ZNF496: variants seen among roughly 807,000 people sequenced by gnomAD.
The protein encoded by ZNF496 is zinc finger protein 496, also known as NSD1 (nuclear receptor binding SET-domain containing 1)-interacting zinc finger protein 1.
In ZNF496, 11 loss-of-function variants were observed where a neutral mutation model predicts 58.9. That is an observed-to-expected ratio of 0.19 (90% CI 0.12 to 0.31). ZNF496 has a LOEUF of 0.31. Ranked by LOEUF, ZNF496 falls within the 10% of genes least tolerant of loss-of-function variation. The pLI is 1.00. For synonymous variants in ZNF496, 338 were observed against 318.2 expected (o/e 1.06, Z -0.66); for missense variants, 660 against 783.0 (o/e 0.84, Z 1.88).
chr1:247,323,263 G>A, intron 5 of ZNF496, 33 bp from the exon 6 acceptor site: 2 of 1,550,504 alleles, frequency 1.3e-6, no homozygotes, highest in Non-Finnish European at 1.8e-6. Flanking sequence ...GTCCTAAAGT[G>A]GGCCAGGGCC....
chr1:247,326,018 A>G (rs999426757), intron 5 of ZNF496, among the ~76,000 whole-genome samples: 19 of 145,768 alleles, frequency 1.3e-4, no homozygotes, highest in Admixed American at 3.6e-4. Flanking sequence ...AGACATATGT[A>G]TATATATATA....
Position 247,328,800 on chromosome 1 carries a change from G to A in ZNF496, c.457C>T (p.Gln153Ter). ...TCGCTGTGGGGCTCTACCGGCAGCT[G>A]CTCCTGCTCCTGGTCCAGAGGGCTG... ...GDSPLDQEQE[Q>*]LPVEPHSDLA... The change falls in exon 5 of 10, where the codon CAG becomes TAG. Residue 153 changes from glutamine (Q) to a stop codon, truncating the protein, a stop_gained. Transcript: ENST00000682384. LOFTEE classifies it high-confidence loss of function. 6.2e-7 allele frequency: 1 copy of A among 1,613,570 alleles called. No homozygotes were observed. The highest frequency in any genetic ancestry group is 8.5e-7 in the Non-Finnish European group (1 of 1,179,802).
At chr1:247,328,559 C>T in intron 5 of ZNF496, 124 bp downstream of exon 5, 1 of 1,046,572 alleles carries the variant, frequency 9.6e-7, no homozygotes, top group South Asian at 2.1e-5. Context: ...GCTCACAGCA[C>T]CTCGGGGACA....
At chr1:247,319,630 T>C (rs1038142434) in intron 6 of ZNF496, among the ~76,000 whole-genome samples, 7 of 152,132 alleles carry the variant, frequency 4.6e-5, no homozygotes, top group African/African-American at 7.2e-5. Context: ...TATCCAAATA[T>C]ATACTATCTA....
At position 247,329,378 on chromosome 1, in the gene ZNF496, G is replaced by C; in HGVS notation, c.201C>G (p.Cys67Trp). Reference sequence around the variant, plus strand: ...GCCTCTCAGGCCGCAGCCAGCCCCCGCACAGGTCCCAGAGGCGCTGCAGGG... The same window carrying C: ...GCCTCTCAGGCCGCAGCCAGCCCCCCCACAGGTCCCAGAGGCGCTGCAGGG... The part of the protein sequence containing the change: ...REALQRLWDL[C>W]GGWLRPERHT... Residue 67 changes from cysteine (C) to tryptophan (W), a missense_variant, in exon 4 of 10, where the codon TGC becomes TGG. Cys to Trp is a radical substitution (Grantham distance 215). Coordinates refer to ENST00000682384, the MANE Select transcript of ZNF496 (RefSeq NM_032752.3). The surrounding 1 kb of genome is among the most constrained non-coding windows in gnomAD (Gnocchi z 5.5). 6.2e-7 allele frequency: 1 copy of C among 1,613,434 alleles called. No homozygotes were observed. Among genetic ancestry groups the C allele is most frequent in the Non-Finnish European group, 8.5e-7 (1 of 1,179,906 alleles).
intron 9 of ZNF496, chr1:247,307,591 T>G: frequency 1.0e-6 from 1 of 985,340 alleles, no homozygotes; most frequent in South Asian, 4.7e-5. Flanking sequence ...TCCATGCTTG[T>G]GGAGCAGGAT....
At chr1:247,307,784 G>A (rs1278101205) in intron 9 of ZNF496, 1 of 985,288 alleles carries the variant, frequency 1.0e-6, no homozygotes, top group African/African-American at 1.7e-5. Flanking sequence ...AATGACACGT[G>A]GGTTCAGGTA....
At chr1:247,316,210 CGT>C (rs1482584638) in intron 6 of ZNF496, among the ~76,000 whole-genome samples, 2 of 23,368 alleles carry the variant, frequency 8.6e-5, no homozygotes, top group South Asian at 1.4e-3. Flanking sequence ...TGTGCGCGCG[CGT>C]GCGCGTGTGT....
intron 6 of ZNF496, chr1:247,311,862 G>A (rs1185349793): frequency 6.6e-6 from 1 of 152,282 alleles, no homozygotes; most frequent in African/African-American, 2.4e-5. Context: ...TTCGCTGATG[G>A]CCCCACCATC....
chr1:247,329,686 A>G lies in ZNF496; in HGVS notation c.-37-71T>C. 7.1e-7 allele frequency: 1 copy of G among 1,402,118 alleles called. No individual in the cohort carries two copies. Among genetic ancestry groups the G allele is most frequent in the Non-Finnish European group, 9.6e-7 (1 of 1,044,264 alleles). The allele number at this position is 1,402,118 out of a possible 1,614,324, so 86.9% of individuals were successfully genotyped here. A position where few individuals can be genotyped will look rare whatever the true frequency, so the allele number is the denominator to read the frequency against. On this transcript the variant is annotated intron_variant, in intron 3 of 9. Coordinates refer to ENST00000682384, the MANE Select transcript of ZNF496 (RefSeq NM_032752.3). The surrounding 1 kb of genome is among the most constrained non-coding windows in gnomAD (Gnocchi z 5.5). ...TGGTCATTTCTGGGGGACAGTGACA[A>G]GGAAACTGTCAATGCCCTCAGAGAC...
intron 9 of ZNF496, among the ~76,000 whole-genome samples, chr1:247,305,080 G>C (rs146785957): frequency 7.2e-5 from 11 of 152,260 alleles, no homozygotes; most frequent in African/African-American, 2.2e-4. Flanking sequence ...AAGGACCTCA[G>C]AATGTGACTG....
chr1:247,300,994 T>C lies in ZNF496; in HGVS notation c.1289A>G (p.Glu430Gly). 1 of 1,613,774 alleles carries C rather than the reference T, an allele frequency of 6.2e-7. No individual in the cohort carries two copies. Among genetic ancestry groups the C allele is most frequent in the South Asian group, 1.1e-5 (1 of 91,082 alleles). The change falls in exon 10 of 10, where the codon GAG (glutamate) becomes GGG (glycine). Residue 430 changes from glutamate to glycine, a missense_variant. Glu to Gly is a moderately conservative substitution (Grantham distance 98). Transcript: ENST00000682384. The surrounding 1 kb of genome is among the most constrained non-coding windows in gnomAD (Gnocchi z 5.7). ...NFIRHLRSRR[E>G]QEKPHECSVC... is the part of the protein sequence containing the mutation. ...CGAGCACTCGTGCGGCTTCTCCTGC[T>C]CCCTGCGGCTCCGCAGATGCCGGAT...
chr1:247,313,393 A>C (rs1259784003), intron 6 of ZNF496: 1 of 152,262 alleles, frequency 6.6e-6, no homozygotes, highest in Non-Finnish European at 1.5e-5. Context: ...GCCAGTGGAC[A>C]CACTGCTTTG....
At position 247,329,746 on chromosome 1, in the gene ZNF496, G is replaced by GT; in HGVS notation, c.-37-132dup. On this transcript the variant is annotated intron_variant, in intron 3 of 9. Transcript: ENST00000682384. The surrounding 1 kb of genome is among the most constrained non-coding windows in gnomAD (Gnocchi z 5.5). The stretch of plus-strand genomic sequence containing the variant: ...GGAGAAGCCCTGGGAAAGGTAGGGA[G>GT]TGTTGGTGTGGCTGGTCTTTACACA... The GT allele has an allele frequency of 2.5e-6, 2 of 806,300 alleles. No homozygotes were observed. The highest frequency in any genetic ancestry group is 1.9e-6 in the Non-Finnish European group (1 of 534,236). The allele number at this position is 806,300 out of a possible 1,614,324, so 49.9% of individuals were successfully genotyped here. A position where few individuals can be genotyped will look rare whatever the true frequency, so the allele number is the denominator to read the frequency against.
At chr1:247,330,249 CAT>C (rs1220062079) in intron 2 of ZNF496, among the ~76,000 whole-genome samples, 168 bp from the exon 3 acceptor site, 2 of 152,184 alleles carry the variant, frequency 1.3e-5, no homozygotes, top group Non-Finnish European at 1.5e-5. Flanking sequence ...GAAAACATCA[CAT>C]GAGACAGCTA....
chr1:247,309,391 C>T lies in ZNF496; in HGVS notation c.892+308G>A, dbSNP rs956930696. ...GGCTTGTCATGAGTATCTGACTTCA[C>T]TCCTGGAGGGGCTGCTGCATTGTCA... On this transcript the variant is annotated intron_variant, in intron 8 of 9. Coordinates refer to ENST00000682384, the MANE Select transcript of ZNF496 (RefSeq NM_032752.3). The surrounding 1 kb of genome is among the most constrained non-coding windows in gnomAD (Gnocchi z 4.3). 13 of 1,199,846 alleles carry T rather than the reference C, an allele frequency of 1.1e-5. No individual in the cohort carries two copies. Among genetic ancestry groups the T allele is most frequent in the Non-Finnish European group, 1.2e-5 (12 of 961,342 alleles). The allele number at this position is 1,199,846 out of a possible 1,614,324, so 74.3% of individuals were successfully genotyped here. A position where few individuals can be genotyped will look rare whatever the true frequency, so the allele number is the denominator to read the frequency against.
At chr1:247,320,009 GAATA>G (rs1659910646) in intron 6 of ZNF496, among the ~76,000 whole-genome samples, 2 of 152,106 alleles carry the variant, frequency 1.3e-5, no homozygotes, top group Non-Finnish European at 2.9e-5. Context: ...TAAAAGGATG[GAATA>G]AATATATTAT....
At chr1:247,318,614 C>T (rs1659860816) in intron 6 of ZNF496, among the ~76,000 whole-genome samples, 1 of 151,886 alleles carries the variant, frequency 6.6e-6, no homozygotes, top group African/African-American at 2.4e-5. Context: ...AGAAAACTGT[C>T]AAGTGTGAAT....
At chr1:247,321,205 C>T (rs1477092449) in intron 6 of ZNF496, among the ~76,000 whole-genome samples, 6 of 151,884 alleles carry the variant, frequency 4.0e-5, no homozygotes, top group Non-Finnish European at 5.9e-5. Flanking sequence ...AAGGGAATTC[C>T]GACACATACT....
Sources: allele counts gnomAD v4.1 joint callset (sites outside exome capture counted in the v4.1 genomes callset), GRCh38; gene constraint gnomAD v4.1.1; non-coding constraint Gnocchi (gnomAD v3.1); transcripts MANE v1.5; gene names NCBI Gene and HGNC (gene_info 2026-07-23, HGNC 2026-07-21).